Variants in SLC9B2 observed in about 807,000 individuals in gnomAD.
SLC9B2 encodes sodium/hydrogen exchanger 9B2.
A neutral mutation model predicts 52.2 loss-of-function variants in SLC9B2; 39 were observed. That is an observed-to-expected ratio of 0.75 (90% CI 0.58 to 0.98). The LOEUF (loss-of-function observed/expected upper bound fraction) is 0.98, where lower values mean the gene tolerates loss of function less well. SLC9B2 is among the 50% of genes least tolerant of loss of function. SLC9B2 has a pLI of 0.00. For synonymous variants in SLC9B2, 214 were observed against 227.0 expected (o/e 0.94, Z 0.51); for missense variants, 626 against 637.5 (o/e 0.98, Z 0.19).
chr4:103,046,402 T>C (rs1447645638), intron 7 of SLC9B2, among the ~76,000 whole-genome samples: 1 of 152,170 alleles, frequency 6.6e-6, no homozygotes, highest in Non-Finnish European at 1.5e-5. Flanking sequence ...TTCACATCAG[T>C]TTAATATAGG....
intron 1 of SLC9B2, among the ~76,000 whole-genome samples, chr4:103,075,004 G>A (rs555522586): frequency 1.3e-5 from 2 of 152,068 alleles, no homozygotes; most frequent in Non-Finnish European, 2.9e-5. Flanking sequence ...AGAAGTGAAC[G>A]GTCTTAAATA....
chr4:103,043,907 T>C (rs993836675), intron 8 of SLC9B2, among the ~76,000 whole-genome samples: 8 of 152,326 alleles, frequency 5.3e-5, no homozygotes, highest in Admixed American at 5.2e-4. Flanking sequence ...TTTACTGTTT[T>C]AAATTTGACG....
chr4:103,066,966 T>G (rs1746187559), intron 2 of SLC9B2, among the ~76,000 whole-genome samples: 1 of 151,498 alleles, frequency 6.6e-6, no homozygotes, highest in Middle Eastern at 3.2e-3. Flanking sequence ...CTGCAAGATA[T>G]CTCATTAGGT....
At chr4:103,071,479 G>A (rs1252686697) in intron 1 of SLC9B2, among the ~76,000 whole-genome samples, 1 of 151,672 alleles carries the variant, frequency 6.6e-6, no homozygotes, top group Non-Finnish European at 1.5e-5. Flanking sequence ...CCACCTCCCA[G>A]GTTCAAGTGA....
rs1358956742 is a variant in SLC9B2, at chr4:103,026,484, G to C, written c.1500C>G (p.Ile500Met). Residue 500 changes from isoleucine to methionine, a missense_variant, in exon 12 of 12, where the codon ATC becomes ATG. Physicochemically the swap from Ile to Met is conservative, Grantham distance 10 (BLOSUM62 1). Transcript: ENST00000394785. ...VLTVAFLSIL[I>M]TAPIGSLLIG... is the part of the protein sequence containing the mutation. ...TAAGCAGACTTCCAATTGGGGCTGT[G>C]ATGAGGATGGACAAAAATGCCACTG... is the stretch of plus-strand genomic sequence containing the variant. 1.9e-6 allele frequency: 3 copies of C among 1,613,800 alleles called. No individual in the cohort carries two copies. The Admixed American group carries it at 5.0e-5, about 27-fold the overall frequency.
rs115872353 is a variant in SLC9B2, at chr4:103,061,930, T to G, written c.272-3959A>C. On this transcript the variant is annotated intron_variant, in intron 3 of 11. Transcript: ENST00000394785. ...AACCCTCACAGAATTGTTCCAGATT[T>G]TCTAGGCTTATGATACTACTGCAGT... Among the ~76,000 whole-genome samples, 1,326 of 152,298 alleles carry G rather than the reference T, an allele frequency of 8.7e-3. 7 individuals are homozygous for G. Among genetic ancestry groups the G allele is most frequent in the Non-Finnish European group, 0.015 (1,028 of 68,020 alleles).
At chr4:103,055,297 G>A (rs1745033849) in intron 4 of SLC9B2, among the ~76,000 whole-genome samples, 2 of 151,150 alleles carry the variant, frequency 1.3e-5, no homozygotes, top group African/African-American at 2.4e-5. Context: ...TAAATGATGA[G>A]TTAATGGGTG....
At chr4:103,030,730 A>G (rs569482922) in intron 10 of SLC9B2, among the ~76,000 whole-genome samples, 1 of 152,168 alleles carries the variant, frequency 6.6e-6, no homozygotes, top group East Asian at 1.9e-4. Flanking sequence ...TACCATCTTA[A>G]CCATTTTTAT....
chr4:103,053,936 C>T (rs1257489994), intron 4 of SLC9B2, among the ~76,000 whole-genome samples: 2 of 152,052 alleles, frequency 1.3e-5, no homozygotes, highest in African/African-American at 4.8e-5. Flanking sequence ...ATCTCCTGAC[C>T]TCGTGATCTG....
chr4:103,065,171 T>TAC (rs796724077), intron 3 of SLC9B2, among the ~76,000 whole-genome samples: 2 of 104,106 alleles, frequency 1.9e-5, no homozygotes, highest in African/African-American at 4.2e-5. Context: ...AAAAAAAATG[T>TAC]ACACACACGC....
In SLC9B2 at chr4:103,031,829, AC is replaced by A. The variant is rs766680089; in HGVS notation, c.1147-22del. On this transcript the variant is annotated intron_variant, in intron 9 of 11. Transcript: ENST00000394785. ...TCTGCCTAAAATAACAATAAAACAC[AC>A]ACAGATTTTTATTATGTGAAGTTAC... 2.5e-5 allele frequency: 39 copies of A among 1,587,992 alleles called. No homozygotes were observed. The South Asian group carries it at 3.7e-4, about 15-fold the overall frequency.
chr4:103,038,521 T>C (rs753541770), intron 9 of SLC9B2, among the ~76,000 whole-genome samples: 6 of 152,066 alleles, frequency 3.9e-5, no homozygotes, highest in South Asian at 2.1e-4. Flanking sequence ...ATAAAGAAAA[T>C]GGAGTCATTG....
chr4:103,019,512 C>T (rs184831031), downstream of SLC9B2: 1,693 of 914,108 alleles, frequency 1.9e-3, 4 homozygotes, highest in South Asian at 2.4e-3. Context: ...GGCCCTCCTG[C>T]GGCCTACCGC....
At chr4:103,072,898 T>C (rs1746794427) in intron 1 of SLC9B2, among the ~76,000 whole-genome samples, 1 of 152,130 alleles carries the variant, frequency 6.6e-6, no homozygotes, top group Non-Finnish European at 1.5e-5. Flanking sequence ...GGGGAAGTGA[T>C]TAAGTCACCA....
At chr4:103,046,069 T>C (rs1470659942) in intron 7 of SLC9B2, among the ~76,000 whole-genome samples, 4 of 152,082 alleles carry the variant, frequency 2.6e-5, no homozygotes, top group African/African-American at 9.7e-5. Context: ...TACTAGGGAA[T>C]GGATGGAAGG....
At chr4:103,058,004 A>G (rs768544856) in intron 3 of SLC9B2, 33 bp from the exon 4 acceptor site, 1 of 1,564,496 alleles carries the variant, frequency 6.4e-7, no homozygotes, top group South Asian at 1.2e-5. Flanking sequence ...GTTACTATCA[A>G]TAAGTTGTCA....
rs919586251 is a variant in SLC9B2, at chr4:103,036,149, TCATATATACCATGTA to T, written c.1147-4356_1147-4342del. 6.7e-4 allele frequency among the ~76,000 whole-genome samples: 102 copies of T among 152,300 alleles called. 1 individual carries two copies. The highest frequency in any genetic ancestry group is 2.4e-3 in the African/African-American group (99 of 41,562). ...CAAGAACAAGCAATGTGGCAAGGAC[TCATATATACCATGTA>T]CATATATACCATGGAATACCATGCA... On this transcript the variant is annotated intron_variant, in intron 9 of 11. Transcript: ENST00000394785.
downstream of SLC9B2, chr4:103,020,032 C>A: frequency 1.7e-6 from 1 of 603,880 alleles, no homozygotes; most frequent in Non-Finnish European, 2.1e-6. Flanking sequence ...TAGAAGAGCA[C>A]GGTCTCTCCC....
chr4:103,032,739 G>A (rs1285652048), intron 9 of SLC9B2, among the ~76,000 whole-genome samples: 8 of 152,086 alleles, frequency 5.3e-5, no homozygotes, highest in East Asian at 1.9e-4. Context: ...GGGCAGTTTC[G>A]TAGCAGATTC....
Sources: allele counts gnomAD v4.1 joint callset (sites outside exome capture counted in the v4.1 genomes callset), GRCh38; gene constraint gnomAD v4.1.1; transcripts MANE v1.5; gene names NCBI Gene and HGNC (gene_info 2026-07-23, HGNC 2026-07-21).